FCRL2: variants seen among roughly 807,000 people sequenced by gnomAD.
The protein encoded by FCRL2 is Fc receptor like 2.
FCRL2 carries 48 observed loss-of-function variants against 59.8 expected under a neutral mutation model. The observed-to-expected ratio is 0.80, with a 90% CI of 0.64 to 1.02. FCRL2 has a LOEUF of 1.02. Ranked by LOEUF, FCRL2 falls within the 50% of genes least tolerant of loss-of-function variation. The pLI is 0.00. For synonymous variants in FCRL2, 251 were observed against 229.5 expected (o/e 1.09, Z -0.85); for missense variants, 658 against 597.3 (o/e 1.10, Z -1.06).
In FCRL2 at chr1:157,777,047, G is replaced by A. The variant is rs1361920021; in HGVS notation, c.27C>T (p.Ile9=). 1 of 1,614,014 alleles carries A rather than the reference G, an allele frequency of 6.2e-7. No individual in the cohort carries two copies. The highest frequency in any genetic ancestry group is 1.1e-5 in the South Asian group (1 of 91,088). ...CAGTCAAATTATTGAACTCACCAAA[G>A]ATGACCAGCAATGACCACAGCAGCA... MLLWSLLV[I]FDAVTEQADS... is the part of the protein sequence containing the mutation. Residue 9 remains isoleucine (I), a synonymous_variant, in exon 1 of 12, where the codon ATC becomes ATT. Transcript: ENST00000361516.
At chr1:157,766,759 A>C in intron 7 of FCRL2, 96 bp downstream of exon 7, 3 of 1,564,012 alleles carry the variant, frequency 1.9e-6, no homozygotes, top group Non-Finnish European at 2.6e-6. Context: ...GCTTTTGGAG[A>C]GTTTTCTTTT....
chr1:157,759,111 AG>A (rs1375125572), intron 7 of FCRL2, among the ~76,000 whole-genome samples: 1 of 152,138 alleles, frequency 6.6e-6, no homozygotes, highest in Non-Finnish European at 1.5e-5. Context: ...TTCTCGTGAT[AG>A]TGAGTTAGTT....
chr1:157,770,158 G>A lies in FCRL2; in HGVS notation c.311-8C>T. The A allele has an allele frequency of 1.2e-6, 2 of 1,611,788 alleles. No individual in the cohort carries two copies. Among genetic ancestry groups the A allele is most frequent in the East Asian group, 2.2e-5 (1 of 44,830 alleles). On this transcript the variant is annotated splice_polypyrimidine_tract_variant and splice_region_variant and intron_variant, in intron 3 of 11. Transcript: ENST00000361516. ...CAGGACGTTGAAAGAGCTCTAGAGA[G>A]AAGGATCACAATAGTCCCCAAAGCA...
chr1:157,748,750 A>G, intron 9 of FCRL2, 125 bp downstream of exon 9: 4 of 1,170,974 alleles, frequency 3.4e-6, no homozygotes, highest in Non-Finnish European at 5.1e-6. Context: ...AGAGTCTGTT[A>G]TTTATTGGGA....
chr1:157,776,643 G>A (rs1650435989), intron 1 of FCRL2, among the ~76,000 whole-genome samples: 1 of 152,148 alleles, frequency 6.6e-6, no homozygotes, highest in Admixed American at 6.5e-5. Context: ...TTAGCAAAGG[G>A]TCTCAATGCA....
At chr1:157,753,862 C>T (rs1648384511) in intron 7 of FCRL2, among the ~76,000 whole-genome samples, 1 of 152,108 alleles carries the variant, frequency 6.6e-6, no homozygotes. Flanking sequence ...AAGGAATTCT[C>T]AGAGTTTTAG....
chr1:157,761,794 A>G (rs74119549), intron 7 of FCRL2, among the ~76,000 whole-genome samples: 2,696 of 152,258 alleles, frequency 0.018, 71 homozygotes, highest in African/African-American at 0.061. Flanking sequence ...GAAATAATAC[A>G]TTACAAAAAC....
rs1460912087 is a variant in FCRL2 at position 157,759,199 on chromosome 1, T to G, written c.1279+7656A>C. Among the ~76,000 whole-genome samples the G allele has an allele frequency of 2.0e-5, 3 of 152,314 alleles. No homozygotes were observed. The East Asian group carries it at 5.8e-4, about 29-fold the overall frequency. ...TGCTACCCTGTGAAGAAGGACATGTTTGCTTCCTCTTCTGTCATGATTGTA... is the reference window on the plus strand; with the variant it reads ...TGCTACCCTGTGAAGAAGGACATGTGTGCTTCCTCTTCTGTCATGATTGTA... On this transcript the variant is annotated intron_variant, in intron 7 of 11. Coordinates refer to ENST00000361516, the MANE Select transcript of FCRL2 (RefSeq NM_030764.4).
At chr1:157,753,979 G>A (rs931700500) in intron 7 of FCRL2, among the ~76,000 whole-genome samples, 1 of 151,886 alleles carries the variant, frequency 6.6e-6, no homozygotes, top group Non-Finnish European at 1.5e-5. Context: ...ACTTAAAAAA[G>A]ATAATTAAAT....
Position 157,770,507 on chromosome 1 carries a change from C to G in FCRL2, c.212G>C (p.Ser71Thr), listed in dbSNP as rs1294767703. ...GTTACCACTGTCACTTAAAACTGCA[C>G]TTTGGATAAGGAAATCTGAGAATTT... ...FKKFSDFLIQ[S>T]AVLSDSGNYF... Residue 71 changes from serine (S) to threonine (T), a missense_variant, in exon 3 of 12, where the codon AGT becomes ACT. Ser to Thr is a moderately conservative substitution (Grantham distance 58, BLOSUM62 1). Transcript: ENST00000361516. 6.2e-7 allele frequency: 1 copy of G among 1,614,054 alleles called. No homozygotes were observed. The highest frequency in any genetic ancestry group is 1.7e-5 in the Admixed American group (1 of 60,002).
rs1443998492 is a variant in FCRL2 at position 157,767,384 on chromosome 1, C to T, written c.1009G>A (p.Glu337Lys). ...GAGCTGTTCCCAAGGGTGACATCCT[C>T]ATGATAAAATTGGTACAAGATTGGG... ...SPPILYQFYH[E>K]DVTLGNSSAP... is the part of the protein sequence containing the mutation. The change falls in exon 6 of 12, where the codon GAG (glutamate) becomes AAG (lysine). Residue 337 changes from glutamate (E) to lysine (K), a missense_variant. Physicochemically the swap from Glu to Lys is moderately conservative, Grantham distance 56. Transcript: ENST00000361516. The T allele has an allele frequency of 1.2e-6, 2 of 1,614,228 alleles. No individual in the cohort carries two copies. Among genetic ancestry groups the T allele is most frequent in the South Asian group, 1.1e-5 (1 of 91,086 alleles).
At chr1:157,760,723 G>GAAAGAAAT (rs1557860489) in intron 7 of FCRL2, among the ~76,000 whole-genome samples, 1 of 142,418 alleles carries the variant, frequency 7.0e-6, no homozygotes, top group Non-Finnish European at 1.5e-5. Context: ...AAGAAAGAAA[G>GAAAGAAAT]AAAGAAAGAA....
chr1:157,760,784 AG>A (rs1433723202), intron 7 of FCRL2, among the ~76,000 whole-genome samples: 3 of 146,428 alleles, frequency 2.0e-5, no homozygotes, highest in Non-Finnish European at 3.0e-5. Flanking sequence ...AAAGGAAGGA[AG>A]GAAGGAGGGA....
chr1:157,760,752 AAAG>A (rs1293569228), intron 7 of FCRL2, among the ~76,000 whole-genome samples: 17 of 149,770 alleles, frequency 1.1e-4, no homozygotes, highest in Admixed American at 2.6e-4. Context: ...AGAAAGAAAG[AAAG>A]AAGAAAGAAT....
chr1:157,760,917 C>G (rs1461810126), intron 7 of FCRL2, among the ~76,000 whole-genome samples: 2 of 152,130 alleles, frequency 1.3e-5, no homozygotes, highest in African/African-American at 2.4e-5. Flanking sequence ...ACCTATGTAA[C>G]AAACCTGCAC....
intron 7 of FCRL2, among the ~76,000 whole-genome samples, chr1:157,765,245 C>T (rs1245020496): frequency 6.6e-6 from 1 of 152,094 alleles, no homozygotes; most frequent in Non-Finnish European, 1.5e-5. Flanking sequence ...TTGAATCAGG[C>T]AGAAATAGAA....
At chr1:157,755,876 C>T (rs1487724090) in intron 7 of FCRL2, among the ~76,000 whole-genome samples, 1 of 152,070 alleles carries the variant, frequency 6.6e-6, no homozygotes, top group African/African-American at 2.4e-5. Context: ...GAGTGGGAGC[C>T]TCTGAGGAAG....
chr1:157,752,515 C>T (rs1324269411), intron 7 of FCRL2, among the ~76,000 whole-genome samples: 1 of 152,196 alleles, frequency 6.6e-6, no homozygotes, highest in Non-Finnish European at 1.5e-5. Flanking sequence ...CCGACTAATA[C>T]AAGGAGTAAG....
intron 2 of FCRL2, among the ~76,000 whole-genome samples, chr1:157,773,019 A>G (rs1270283419): frequency 2.6e-5 from 4 of 152,182 alleles, no homozygotes; most frequent in African/African-American, 9.7e-5. Flanking sequence ...CCTCCCCTGC[A>G]TGCTGTTCAC....
Sources: gnomAD v4.1 joint callset for allele counts (sites outside exome capture counted in the v4.1 genomes callset) on GRCh38, gnomAD v4.1.1 for gene constraint, MANE v1.5 for transcripts, NCBI Gene and HGNC (gene_info 2026-07-23, HGNC 2026-07-21) for gene names.